Variants in PIGK observed in about 807,000 individuals in gnomAD.
PIGK encodes phosphatidylinositol glycan anchor biosynthesis class K, also known as GPI-anchor transamidase.
Under a neutral mutation model 50.6 loss-of-function variants are expected in PIGK, and 42 were observed. The ratio of observed to expected loss-of-function variants is 0.83; its 90% CI spans 0.65 to 1.07. The LOEUF (loss-of-function observed/expected upper bound fraction) is 1.07, where lower values mean the gene tolerates loss of function less well. Ranked by LOEUF, PIGK falls within the 50% of genes least tolerant of loss-of-function variation. The pLI, the probability that PIGK is intolerant of heterozygous loss-of-function variation, is 0.00. For synonymous variants in PIGK, 151 were observed against 156.0 expected, an observed-to-expected ratio of 0.97 and a Z score of 0.24; for missense variants, 448 against 488.7, an observed-to-expected ratio of 0.92 and a Z score of 0.78.
intron 9 of PIGK, among the ~76,000 whole-genome samples, chr1:77,125,889 T>C (rs984047928): frequency 1.3e-5 from 2 of 152,210 alleles, no homozygotes; most frequent in African/African-American, 2.4e-5. Flanking sequence ...ATTTCTCTTA[T>C]TGCAGATTAT....
intron 9 of PIGK, among the ~76,000 whole-genome samples, chr1:77,146,479 T>C (rs1004607780): frequency 2.0e-5 from 3 of 151,800 alleles, no homozygotes; most frequent in African/African-American, 7.3e-5. Flanking sequence ...CTGGATAACA[T>C]AGCAAGACCC....
At chr1:77,121,376 T>C (rs1263219393) in intron 10 of PIGK, among the ~76,000 whole-genome samples, 4 of 152,204 alleles carry the variant, frequency 2.6e-5, no homozygotes, top group Admixed American at 1.3e-4. Context: ...AGAATTGCAA[T>C]ATTAAATTTT....
At chr1:77,125,366 T>A (rs1329342012) in intron 9 of PIGK, among the ~76,000 whole-genome samples, 1 of 152,202 alleles carries the variant, frequency 6.6e-6, no homozygotes, top group African/African-American at 2.4e-5. Context: ...GTCTGAAATG[T>A]TTCTTAATAA....
chr1:77,144,094 A>G (rs1465754824), intron 9 of PIGK, among the ~76,000 whole-genome samples: 1 of 152,016 alleles, frequency 6.6e-6, no homozygotes, highest in Non-Finnish European at 1.5e-5. Flanking sequence ...ACGGCAGAGG[A>G]TCTGAATTTA....
At chr1:77,137,268 T>A (rs926914696) in intron 9 of PIGK, among the ~76,000 whole-genome samples, 7 of 152,148 alleles carry the variant, frequency 4.6e-5, no homozygotes, top group Non-Finnish European at 8.8e-5. Context: ...AACCCAAAGA[T>A]GACAAATTCT....
chr1:77,175,741 G>A (rs909040384), intron 3 of PIGK, among the ~76,000 whole-genome samples: 4 of 151,938 alleles, frequency 2.6e-5, no homozygotes, highest in African/African-American at 7.3e-5. Context: ...ACAGTTAAAG[G>A]GATATTATTC....
intron 3 of PIGK, among the ~76,000 whole-genome samples, chr1:77,200,281 T>C (rs144554968): frequency 3.2e-4 from 48 of 152,132 alleles, no homozygotes; most frequent in African/African-American, 1.1e-3. Flanking sequence ...ACATGAATAC[T>C]GAAGAAGCAT....
In PIGK at chr1:77,206,642, G is replaced by A; in HGVS notation, c.237C>T (p.Asp79=). The change falls in exon 3 of 11, where the codon GAC becomes GAT. Residue 79 remains aspartate (D), a splice_region_variant and synonymous_variant. Coordinates refer to ENST00000370812, the MANE Select transcript of PIGK (RefSeq NM_005482.3). Reference sequence around the variant, plus strand: ...TAAGCTTTATTAAGGCTTCTTACCTGTCAGGAATACCTAGCCTCTTGACAC... The same window carrying A: ...TAAGCTTTATTAAGGCTTCTTACCTATCAGGAATACCTAGCCTCTTGACAC... The part of the protein sequence containing the change: ...YRSVKRLGIP[D]SHIVLMLADD... The A allele has an allele frequency of 1.9e-6, 3 of 1,565,906 alleles. No homozygotes were observed. Among genetic ancestry groups the A allele is most frequent in the Middle Eastern group, 1.7e-4 (1 of 5,948 alleles).
In PIGK at chr1:77,169,474, C is replaced by A; in HGVS notation, c.240-79G>T. The A allele has an allele frequency of 3.5e-6, 4 of 1,150,164 alleles. No homozygotes were observed. In the Admixed American group the frequency reaches 1.1e-4, roughly 31 times the overall value. The allele number at this position is 1,150,164 out of a possible 1,614,324, so 71.2% of individuals were successfully genotyped here. On this transcript the variant is annotated intron_variant, in intron 3 of 10. Transcript: ENST00000370812. Reference sequence around the variant, plus strand: ...ACACAAATTTATTTATATCATGTAGCTACTGTGTTCATTTTTCTCCTCCTT... The same window carrying A: ...ACACAAATTTATTTATATCATGTAGATACTGTGTTCATTTTTCTCCTCCTT...
chr1:77,185,552 A>T (rs1310464498), intron 3 of PIGK, among the ~76,000 whole-genome samples: 1 of 152,034 alleles, frequency 6.6e-6, no homozygotes, highest in African/African-American at 2.4e-5. Context: ...ACCAAGAAAG[A>T]GGCACAATGC....
chr1:77,103,716 G>C (rs1297078375), intron 10 of PIGK, among the ~76,000 whole-genome samples: 1 of 152,182 alleles, frequency 6.6e-6, no homozygotes, highest in Non-Finnish European at 1.5e-5. Context: ...GGGAGGTTTA[G>C]GCGGTTAGAA....
At chr1:77,216,244 A>G (rs1033311034) in intron 1 of PIGK, among the ~76,000 whole-genome samples, 7 of 152,308 alleles carry the variant, frequency 4.6e-5, no homozygotes, top group East Asian at 1.9e-4. Context: ...TAAAATATAC[A>G]TATTACAAAA....
At chr1:77,178,680 A>T (rs1655540202) in intron 3 of PIGK, among the ~76,000 whole-genome samples, 1 of 152,218 alleles carries the variant, frequency 6.6e-6, no homozygotes, top group African/African-American at 2.4e-5. Flanking sequence ...AGCATATTCC[A>T]AACTCTTCAT....
intron 9 of PIGK, among the ~76,000 whole-genome samples, chr1:77,130,471 T>G (rs145538883): frequency 2.6e-5 from 4 of 152,252 alleles, no homozygotes; most frequent in East Asian, 3.9e-4. Context: ...ATTTTTTGAC[T>G]TACCTATCCT....
chr1:77,217,814 T>C (rs1002019640), intron 1 of PIGK, among the ~76,000 whole-genome samples: 1 of 152,158 alleles, frequency 6.6e-6, no homozygotes, highest in African/African-American at 2.4e-5. Context: ...CTACAGAGGT[T>C]ATGCCTTTAC....
Position 77,163,705 on chromosome 1 carries a change from A to C in PIGK, c.584+141T>G, listed in dbSNP as rs1424771394. ...TTTAAAAACAACCCAGTTCAGAGGA[A>C]ATAACAAATGTAAATTTAAAAGAGT... On this transcript the variant is annotated intron_variant, in intron 6 of 10. Transcript: ENST00000370812. The C allele has an allele frequency of 5.2e-6, 3 of 582,422 alleles. No homozygotes were observed. In the African/African-American group the frequency reaches 5.8e-5, roughly 11 times the overall value. 36.1% of individuals were successfully genotyped at this position (582,422 alleles called of 1,614,324 possible).
chr1:77,126,855 C>T (rs1029700629), intron 9 of PIGK, among the ~76,000 whole-genome samples: 4 of 152,160 alleles, frequency 2.6e-5, no homozygotes, highest in Admixed American at 2.6e-4. Context: ...TCCAAGTGTT[C>T]CTTTTACTTA....
chr1:77,191,912 C>T (rs1461584068), intron 3 of PIGK, among the ~76,000 whole-genome samples: 1 of 152,170 alleles, frequency 6.6e-6, no homozygotes, highest in Non-Finnish European at 1.5e-5. Context: ...TAACCTCCCA[C>T]TCATGCTCAG....
intron 10 of PIGK, among the ~76,000 whole-genome samples, chr1:77,106,574 T>G (rs1225437973): frequency 6.6e-6 from 1 of 152,178 alleles, no homozygotes. Flanking sequence ...TTATAATTAC[T>G]TTTCCCATAC....
Sources: gnomAD v4.1 joint callset for allele counts (sites outside exome capture counted in the v4.1 genomes callset) on GRCh38, gnomAD v4.1.1 for gene constraint, MANE v1.5 for transcripts, NCBI Gene and HGNC (gene_info 2026-07-23, HGNC 2026-07-21) for gene names.